ADAMTS12: variants seen among roughly 807,000 people sequenced by gnomAD.
ADAMTS12 encodes the protein A disintegrin and metalloproteinase with thrombospondin motifs 12.
A neutral mutation model predicts 167.8 loss-of-function variants in ADAMTS12; 118 were observed. The ratio of observed to expected loss-of-function variants is 0.70; its 90% CI spans 0.61 to 0.82. ADAMTS12 has a LOEUF of 0.82. Among genes scored for constraint, ADAMTS12 ranks in the 40% least tolerant of loss-of-function variants. The pLI, the probability that ADAMTS12 is intolerant of heterozygous loss-of-function variation, is 0.00. For synonymous variants in ADAMTS12, 704 were observed against 716.9 expected (o/e 0.98, Z 0.29); for missense variants, 1,916 against 1,998.8 (o/e 0.96, Z 0.79).
At chr5:33,826,196 C>T (rs1399852828) in intron 2 of ADAMTS12, among the ~76,000 whole-genome samples, 3 of 152,084 alleles carry the variant, frequency 2.0e-5, no homozygotes, top group African/African-American at 7.2e-5. Context: ...TTCTCTACTT[C>T]TCTTTGAAAA....
At chr5:33,825,027 G>A (rs898793669) in intron 2 of ADAMTS12, among the ~76,000 whole-genome samples, 18 of 152,154 alleles carry the variant, frequency 1.2e-4, no homozygotes, top group African/African-American at 2.9e-4. Context: ...CTGTGCTATC[G>A]TGTGAATGAG....
intron 22 of ADAMTS12, among the ~76,000 whole-genome samples, chr5:33,542,289 A>C (rs567762289): frequency 6.6e-6 from 1 of 152,232 alleles, no homozygotes; most frequent in African/African-American, 2.4e-5. Context: ...AGAGCTAACT[A>C]TCCTAAATAT....
At chr5:33,816,366 C>T (rs115091133) in intron 2 of ADAMTS12, among the ~76,000 whole-genome samples, 457 of 152,194 alleles carry the variant, frequency 3.0e-3, no homozygotes, top group African/African-American at 0.011. Context: ...ATGTACAATA[C>T]TCTGTTATTA....
chr5:33,785,061 A>C (rs1746278551), intron 2 of ADAMTS12, among the ~76,000 whole-genome samples: 1 of 152,082 alleles, frequency 6.6e-6, no homozygotes, highest in African/African-American at 2.4e-5. Context: ...CAGGCAATTT[A>C]ATGATGGAAG....
At chr5:33,620,416 C>T (rs112116760) in intron 14 of ADAMTS12, among the ~76,000 whole-genome samples, 14 of 152,330 alleles carry the variant, frequency 9.2e-5, no homozygotes, top group African/African-American at 3.1e-4. Flanking sequence ...ACACAATTTA[C>T]TGGACAAATA....
intron 3 of ADAMTS12, among the ~76,000 whole-genome samples, chr5:33,701,479 G>T (rs1297606633): frequency 6.6e-6 from 1 of 152,156 alleles, no homozygotes. Context: ...GCTCAAAGGG[G>T]AGTGCCGTTG....
Position 33,571,408 on chromosome 5 carries a change from A to G in ADAMTS12, c.3972+4646T>C, listed in dbSNP as rs1421341086. Among the ~76,000 whole-genome samples the G allele has an allele frequency of 2.6e-5, 4 of 152,192 alleles. No homozygotes were observed. In the East Asian group the frequency reaches 7.7e-4, roughly 29 times the overall value. ...TATAACAAACTGTCTCTCAGACCACAGTGCAATCAAACTAGAACTCAGGAT... is the reference window on the plus strand; with the variant it reads ...TATAACAAACTGTCTCTCAGACCACGGTGCAATCAAACTAGAACTCAGGAT... On this transcript the variant is annotated intron_variant, in intron 19 of 23. Coordinates refer to ENST00000504830, the MANE Select transcript of ADAMTS12 (RefSeq NM_030955.4).
intron 3 of ADAMTS12, among the ~76,000 whole-genome samples, chr5:33,725,429 C>T (rs1046286989): frequency 6.6e-6 from 1 of 152,174 alleles, no homozygotes; most frequent in Admixed American, 6.5e-5. Context: ...AAGTGAGATT[C>T]TGCATTACCC....
At chr5:33,773,812 A>G (rs977292387) in intron 2 of ADAMTS12, among the ~76,000 whole-genome samples, 5 of 152,182 alleles carry the variant, frequency 3.3e-5, no homozygotes, top group African/African-American at 1.2e-4. Flanking sequence ...TATGACTTTC[A>G]GTTCTTCATA....
At chr5:33,664,472 A>G (rs1031825487) in intron 5 of ADAMTS12, among the ~76,000 whole-genome samples, 6 of 152,188 alleles carry the variant, frequency 3.9e-5, no homozygotes, top group African/African-American at 7.2e-5. Context: ...CAAATAATCC[A>G]ATTGAAAAAT....
At chr5:33,559,916 G>A (rs1003011442) in intron 20 of ADAMTS12, among the ~76,000 whole-genome samples, 7 of 152,232 alleles carry the variant, frequency 4.6e-5, no homozygotes, top group Admixed American at 1.3e-4. Context: ...GAAGATCAGT[G>A]CAGGGAGTAC....
chr5:33,581,064 C>G (rs1341604976), intron 18 of ADAMTS12, among the ~76,000 whole-genome samples: 1 of 152,176 alleles, frequency 6.6e-6, no homozygotes, highest in East Asian at 1.9e-4. Context: ...ACGAACTTGC[C>G]TTTTCTCCTA....
intron 3 of ADAMTS12, among the ~76,000 whole-genome samples, chr5:33,709,561 T>C (rs140640237): frequency 2.0e-5 from 3 of 152,130 alleles, no homozygotes; most frequent in Admixed American, 6.5e-5. Flanking sequence ...TGCAGGGACA[T>C]GGATGGAACT....
rs114203105 is a variant in ADAMTS12 at position 33,713,741 on chromosome 5, C to A, written c.635-29686G>T. Among the ~76,000 whole-genome samples the A allele has an allele frequency of 8.9e-3, 1,359 of 152,158 alleles. 23 individuals carry two copies. The highest frequency in any genetic ancestry group is 0.031 in the African/African-American group (1,298 of 41,542). On this transcript the variant is annotated intron_variant, in intron 3 of 23. Coordinates refer to ENST00000504830, the MANE Select transcript of ADAMTS12 (RefSeq NM_030955.4). Reference sequence around the variant, plus strand: ...CTGTCGATTCACTTGTTTGGTTAGTCCACAAAGTTGGCTCTAGTTCTTGCC... The same window carrying A: ...CTGTCGATTCACTTGTTTGGTTAGTACACAAAGTTGGCTCTAGTTCTTGCC...
chr5:33,540,006 C>T (rs752962864), intron 22 of ADAMTS12, among the ~76,000 whole-genome samples: 6 of 152,320 alleles, frequency 3.9e-5, no homozygotes, highest in Non-Finnish European at 5.9e-5. Context: ...GGCGGGGCGT[C>T]GCTTCACCCG....
At position 33,613,232 on chromosome 5, in the gene ADAMTS12, G is replaced by A. The variant is rs3935520; in HGVS notation, c.2527+1006C>T. On this transcript the variant is annotated intron_variant, in intron 16 of 23. Coordinates refer to ENST00000504830, the MANE Select transcript of ADAMTS12 (RefSeq NM_030955.4). ...AAGAAGTTTCAGAACAGACTTGGAC[G>A]TGACCCAAAGGAGAAAGAGAGGTAG... Among the ~76,000 whole-genome samples the A allele has an allele frequency of 3.2e-3, 485 of 152,334 alleles. 2 individuals carry two copies. The highest frequency in any genetic ancestry group is 0.011 in the African/African-American group (456 of 41,570).
At chr5:33,804,011 C>T (rs1747120177) in intron 2 of ADAMTS12, among the ~76,000 whole-genome samples, 1 of 152,136 alleles carries the variant, frequency 6.6e-6, no homozygotes, top group Admixed American at 6.6e-5. Flanking sequence ...ACATCCTTTA[C>T]CAAATGTCTT....
At chr5:33,618,642 T>C (rs1299120557) in intron 14 of ADAMTS12, among the ~76,000 whole-genome samples, 1 of 152,182 alleles carries the variant, frequency 6.6e-6, no homozygotes, top group African/African-American at 2.4e-5. Context: ...TCTTCATCAA[T>C]TTGTCTTCTG....
intron 3 of ADAMTS12, among the ~76,000 whole-genome samples, chr5:33,713,596 A>C (rs1316958906): frequency 3.3e-5 from 5 of 152,118 alleles, no homozygotes; most frequent in African/African-American, 1.2e-4. Flanking sequence ...GTGGGTTCCA[A>C]ATAAAGACAG....
Sources: gnomAD v4.1 joint callset for allele counts (sites outside exome capture counted in the v4.1 genomes callset) on GRCh38, gnomAD v4.1.1 for gene constraint, MANE v1.5 for transcripts, NCBI Gene and HGNC (gene_info 2026-07-23, HGNC 2026-07-21) for gene names.